Variants in GLIS3 observed in about 807,000 individuals in gnomAD.
GLIS3 encodes the protein zinc finger protein GLIS3.
GLIS3 carries 53 observed loss-of-function variants against 78.6 expected under a neutral mutation model. That is an observed-to-expected ratio of 0.67 (90% CI 0.54 to 0.85). GLIS3 has a LOEUF of 0.85. GLIS3 is among the 40% of genes least tolerant of loss of function. The probability of loss-of-function intolerance (pLI) is 0.00; values close to 1 mark genes in which losing one functional copy is unlikely to be tolerated. For synonymous variants in GLIS3, 684 were observed against 509.9 expected, an observed-to-expected ratio of 1.34 and a Z score of -4.60; for missense variants, 1,703 against 1,231.1, an observed-to-expected ratio of 1.38 and a Z score of -5.74.
intron 4 of GLIS3, among the ~76,000 whole-genome samples, chr9:4,008,853 T>C (rs906998132): frequency 2.3e-4 from 35 of 151,954 alleles, no homozygotes; most frequent in African/African-American, 8.5e-4. Flanking sequence ...GAAATGGAGA[T>C]GAGGAGAAGT....
At chr9:4,422,291 G>C in the GLIS3 span, among the ~76,000 whole-genome samples, 23 of 152,318 alleles carry the variant, frequency 1.5e-4, no homozygotes, top group African/African-American at 4.1e-4. Flanking sequence ...GGCCTCATCA[G>C]ATAACAAAGC....
chr9:4,206,347 C>T (rs547830002), intron 2 of GLIS3, among the ~76,000 whole-genome samples: 1 of 152,332 alleles, frequency 6.6e-6, no homozygotes, highest in East Asian at 1.9e-4. Context: ...CTGGCTTACA[C>T]AGGATCTCTT....
intron 4 of GLIS3, among the ~76,000 whole-genome samples, chr9:4,028,690 C>T (rs1439724259): frequency 6.6e-6 from 1 of 151,476 alleles, no homozygotes; most frequent in African/African-American, 2.4e-5. Flanking sequence ...CACTATAGAT[C>T]ACTTTTTCCT....
At chr9:3,920,609 G>GTTTT (rs34014322) in intron 6 of GLIS3, among the ~76,000 whole-genome samples, 10 of 127,800 alleles carry the variant, frequency 7.8e-5, no homozygotes, top group South Asian at 2.6e-4. Flanking sequence ...AAAAGAACAG[G>GTTTT]TTTTTTTTTT....
chr9:3,969,053 G>A (rs1190146691), intron 4 of GLIS3, among the ~76,000 whole-genome samples: 1 of 152,144 alleles, frequency 6.6e-6, no homozygotes, highest in African/African-American at 2.4e-5. Context: ...TGACTTGTCC[G>A]TGTTTGAGTC....
intron 2 of GLIS3, among the ~76,000 whole-genome samples, chr9:4,193,102 A>C (rs1818480783): frequency 1.3e-5 from 2 of 152,242 alleles, no homozygotes; most frequent in African/African-American, 4.8e-5. Flanking sequence ...ATTCGAATGA[A>C]ATGTTCAGAC....
At chr9:3,883,624 CA>C (rs1457464888) in intron 7 of GLIS3, among the ~76,000 whole-genome samples, 5 of 152,292 alleles carry the variant, frequency 3.3e-5, no homozygotes, top group African/African-American at 9.6e-5. Flanking sequence ...GGATACAGGG[CA>C]ATATTAACAA....
chr9:4,286,913 A>G (rs1828049825), intron 1 of GLIS3, among the ~76,000 whole-genome samples: 1 of 152,210 alleles, frequency 6.6e-6, no homozygotes, highest in African/African-American at 2.4e-5. Flanking sequence ...CTGAGCTGTG[A>G]GACCAATGCT....
the GLIS3 span, among the ~76,000 whole-genome samples, chr9:4,368,816 CT>C: frequency 6.6e-6 from 1 of 152,204 alleles, no homozygotes; most frequent in Non-Finnish European, 1.5e-5. Flanking sequence ...CTTAAATTCT[CT>C]CGTTCTAATT....
At chr9:4,482,964 A>G in the GLIS3 span, among the ~76,000 whole-genome samples, 1 of 152,208 alleles carries the variant, frequency 6.6e-6, no homozygotes, top group South Asian at 2.1e-4. Context: ...GAAGGAAAAA[A>G]ACATTCTAAC....
At chr9:3,932,284 C>A in intron 6 of GLIS3, 76 bp downstream of exon 6, 1 of 1,133,416 alleles carries the variant, frequency 8.8e-7, no homozygotes, top group Non-Finnish European at 1.3e-6. Context: ...TTTCAAGTGC[C>A]CTGCAGAAGC....
intron 2 of GLIS3, among the ~76,000 whole-genome samples, chr9:4,234,651 C>G (rs755254223): frequency 2.0e-5 from 3 of 152,140 alleles, no homozygotes; most frequent in African/African-American, 4.8e-5. Flanking sequence ...TGAGCACATA[C>G]TGTTTGGAAA....
the GLIS3 span, among the ~76,000 whole-genome samples, chr9:4,376,930 T>G: frequency 7.4e-6 from 1 of 134,684 alleles, no homozygotes; most frequent in African/African-American, 2.6e-5. Context: ...TGGAGGCTGA[T>G]TAGTGCAATG....
At chr9:4,204,225 T>G (rs1819650209) in intron 2 of GLIS3, among the ~76,000 whole-genome samples, 1 of 152,218 alleles carries the variant, frequency 6.6e-6, no homozygotes, top group Non-Finnish European at 1.5e-5. Context: ...AAATATCTTC[T>G]GATTGAAGAT....
intron 4 of GLIS3, among the ~76,000 whole-genome samples, chr9:3,979,157 TCTC>T (rs1319778391): frequency 1.3e-5 from 2 of 152,182 alleles, no homozygotes; most frequent in South Asian, 4.1e-4. Flanking sequence ...AGAAGCATCT[TCTC>T]CTGGATCAGA....
At chr9:4,174,182 T>C (rs1032412111) in intron 2 of GLIS3, among the ~76,000 whole-genome samples, 2 of 152,242 alleles carry the variant, frequency 1.3e-5, no homozygotes, top group South Asian at 4.2e-4. Context: ...ACTATAAGAA[T>C]GCAAAAGATA....
chr9:4,350,110 G>A (rs1431782197), upstream of GLIS3, among the ~76,000 whole-genome samples: 1 of 152,178 alleles, frequency 6.6e-6, no homozygotes, highest in East Asian at 1.9e-4. Flanking sequence ...TAGTGAGAAG[G>A]GATCAGGCAT....
intron 2 of GLIS3, among the ~76,000 whole-genome samples, chr9:4,336,254 G>A (rs1817756012): frequency 2.6e-5 from 4 of 152,170 alleles, no homozygotes; most frequent in South Asian, 4.1e-4. Flanking sequence ...GGCCACATGT[G>A]ATATATGGGT....
chr9:4,171,605 G>A (rs185378607), intron 2 of GLIS3, among the ~76,000 whole-genome samples: 149 of 152,292 alleles, frequency 9.8e-4, no homozygotes, highest in African/African-American at 3.4e-3. Context: ...GGGGAGAACT[G>A]CTTACATCAT....
Sources: gnomAD v4.1 joint callset for allele counts (sites outside exome capture counted in the v4.1 genomes callset) on GRCh38, gnomAD v4.1.1 for gene constraint, MANE v1.5 for transcripts, NCBI Gene and HGNC (gene_info 2026-07-23, HGNC 2026-07-21) for gene names.